FGF14: variants seen among roughly 807,000 people sequenced by gnomAD.
FGF14 encodes the protein fibroblast growth factor 14.
A neutral mutation model predicts 25.5 loss-of-function variants in FGF14; 5 were observed. The observed-to-expected ratio is 0.20, with a 90% CI of 0.10 to 0.41. The LOEUF is 0.41. FGF14 is among the 10% of genes least tolerant of loss of function. FGF14 has a pLI of 1.00. For synonymous variants in FGF14, 138 were observed against 118.3 expected (o/e 1.17, Z -1.08); for missense variants, 222 against 320.1 (o/e 0.69, Z 2.34).
chr13:102,188,225 GT>G (rs1361646183), intron 1 of FGF14, among the ~76,000 whole-genome samples: 1 of 152,100 alleles, frequency 6.6e-6, no homozygotes, highest in Non-Finnish European at 1.5e-5. Context: ...CAAAAAAAAT[GT>G]TTCTGGGTTA....
intron 1 of FGF14, among the ~76,000 whole-genome samples, chr13:102,135,017 C>CCACA (rs71125050): frequency 0.021 from 2,975 of 142,608 alleles, 34 homozygotes; most frequent in African/African-American, 0.029. Context: ...GACCCCGTGT[C>CCACA]CACACACACA....
intron 1 of FGF14, among the ~76,000 whole-genome samples, chr13:102,330,335 T>A (rs939222623): frequency 6.6e-6 from 1 of 152,206 alleles, no homozygotes; most frequent in Non-Finnish European, 1.5e-5. Context: ...ATTTTCTCTG[T>A]TCTTATCTAT....
At chr13:102,023,481 G>A (rs73565728) in intron 1 of FGF14, among the ~76,000 whole-genome samples, 5,233 of 151,930 alleles carry the variant, frequency 0.034, 297 homozygotes, top group African/African-American at 0.12. Flanking sequence ...ACCTTTTATG[G>A]TGTACAATTT....
In FGF14 at chr13:101,868,643, T is replaced by C. The variant is rs2044867489; in HGVS notation, c.408+82A>G. ...CAAAAACTGGCAGAAACAACAGACATAGAACTTTCTTTTTGTTGTTGCTGC... is the reference window on the plus strand; with the variant it reads ...CAAAAACTGGCAGAAACAACAGACACAGAACTTTCTTTTTGTTGTTGCTGC... On this transcript the variant is annotated intron_variant, in intron 3 of 4. Coordinates refer to ENST00000376143, the MANE Select transcript of FGF14 (RefSeq NM_004115.4). 7 of 913,966 alleles carry C rather than the reference T, an allele frequency of 7.7e-6. No individual in the cohort carries two copies. The South Asian group carries it at 7.8e-5, about 10-fold the overall frequency. The allele number at this position is 913,966 out of a possible 1,614,324, so 56.6% of individuals were successfully genotyped here.
intron 3 of FGF14, among the ~76,000 whole-genome samples, chr13:101,861,028 A>C (rs921900454): frequency 2.6e-5 from 4 of 152,176 alleles, no homozygotes; most frequent in African/African-American, 7.2e-5. Context: ...TTATGAATCA[A>C]AATATGTGAG....
intron 3 of FGF14, among the ~76,000 whole-genome samples, chr13:101,779,534 T>C (rs530899155): frequency 1.7e-3 from 259 of 152,314 alleles, no homozygotes; most frequent in African/African-American, 5.3e-3. Context: ...TATTTTTACA[T>C]AAAACCATTA....
At chr13:102,308,329 T>C (rs1431028341) in intron 1 of FGF14, among the ~76,000 whole-genome samples, 2 of 152,186 alleles carry the variant, frequency 1.3e-5, no homozygotes, top group African/African-American at 2.4e-5. Context: ...CAAAAGTGAC[T>C]CAACATGTAT....
chr13:102,274,997 A>G (rs754959290), intron 1 of FGF14, among the ~76,000 whole-genome samples: 3 of 152,006 alleles, frequency 2.0e-5, no homozygotes, highest in Non-Finnish European at 4.4e-5. Flanking sequence ...AGTATCTATA[A>G]AATCCAAAAT....
chr13:101,913,424 G>A (rs917080104), intron 1 of FGF14, among the ~76,000 whole-genome samples: 1 of 152,072 alleles, frequency 6.6e-6, no homozygotes, highest in Non-Finnish European at 1.5e-5. Flanking sequence ...AGGGGTGATG[G>A]AGATAGGAAA....
intron 1 of FGF14, among the ~76,000 whole-genome samples, chr13:102,087,407 C>T (rs2607645): frequency 0.047 from 3,970 of 84,470 alleles, 271 homozygotes; most frequent in African/African-American, 0.16. Flanking sequence ...ACTGTAATTT[C>T]TTTTTTTTTT....
At chr13:101,737,180 T>C (rs1421810489) in intron 3 of FGF14, among the ~76,000 whole-genome samples, 1 of 151,206 alleles carries the variant, frequency 6.6e-6, no homozygotes, top group Non-Finnish European at 1.5e-5. Flanking sequence ...TTTAAGAAAT[T>C]ACTTTGTAAT....
At chr13:102,264,379 T>G (rs567696644) in intron 1 of FGF14, among the ~76,000 whole-genome samples, 130 of 152,286 alleles carry the variant, frequency 8.5e-4, no homozygotes, top group African/African-American at 3.1e-3. Context: ...GCATGAAATA[T>G]ATAAAGCACG....
chr13:102,376,213 A>C (rs2058036563), intron 1 of FGF14, among the ~76,000 whole-genome samples: 1 of 152,134 alleles, frequency 6.6e-6, no homozygotes, highest in Non-Finnish European at 1.5e-5. Flanking sequence ...ATGGTAGTGA[A>C]TAAGTCTCAC....
chr13:101,891,693 C>T (rs1179162443), intron 1 of FGF14, among the ~76,000 whole-genome samples: 4 of 151,896 alleles, frequency 2.6e-5, no homozygotes, highest in African/African-American at 4.8e-5. Context: ...TATATACATA[C>T]ATACATATAC....
intron 1 of FGF14, among the ~76,000 whole-genome samples, chr13:102,043,945 A>C (rs893664747): frequency 2.0e-5 from 3 of 152,162 alleles, no homozygotes; most frequent in African/African-American, 7.2e-5. Flanking sequence ...AATCAGAAGG[A>C]TCTCTGAAAT....
At chr13:102,145,394 C>A (rs527488075) in intron 1 of FGF14, among the ~76,000 whole-genome samples, 1 of 152,236 alleles carries the variant, frequency 6.6e-6, no homozygotes, top group East Asian at 1.9e-4. Flanking sequence ...AGCCAACATA[C>A]CCATGGTGGC....
intron 1 of FGF14, among the ~76,000 whole-genome samples, chr13:102,153,092 C>T (rs951477764): frequency 2.0e-5 from 3 of 152,106 alleles, no homozygotes; most frequent in African/African-American, 4.8e-5. Flanking sequence ...TAGAGTGAAG[C>T]GATTAACCGA....
At chr13:101,999,739 A>G (rs2039378621) in intron 1 of FGF14, among the ~76,000 whole-genome samples, 2 of 152,292 alleles carry the variant, frequency 1.3e-5, no homozygotes, top group Non-Finnish European at 2.9e-5. Context: ...TTTATAGATA[A>G]AGAGAGACTC....
chr13:102,148,993 G>A (rs544174427), intron 1 of FGF14, among the ~76,000 whole-genome samples: 2 of 152,080 alleles, frequency 1.3e-5, no homozygotes, highest in African/African-American at 4.8e-5. Context: ...TACATATTAG[G>A]ATATGCATAC....
Sources: gnomAD v4.1 joint callset for allele counts (sites outside exome capture counted in the v4.1 genomes callset) on GRCh38, gnomAD v4.1.1 for gene constraint, MANE v1.5 for transcripts, NCBI Gene and HGNC (gene_info 2026-07-23, HGNC 2026-07-21) for gene names.